FBXO34: variants seen among roughly 807,000 people sequenced by gnomAD.
FBXO34 encodes the protein F-box protein 34.
In FBXO34, 12 loss-of-function variants were observed where a neutral mutation model predicts 24.5. The ratio of observed to expected loss-of-function variants is 0.49; its 90% CI spans 0.31 to 0.79. The LOEUF is 0.79. Ranked by LOEUF, FBXO34 falls within the 30% of genes least tolerant of loss-of-function variation. FBXO34 has a pLI of 0.04. For synonymous variants in FBXO34, 320 were observed against 311.9 expected (o/e 1.03, Z -0.27); for missense variants, 823 against 857.7 (o/e 0.96, Z 0.51).
At chr14:55,358,891 G>C (rs71413574) in intron 3 of FBXO34, among the ~76,000 whole-genome samples, 277 of 152,284 alleles carry the variant, frequency 1.8e-3, no homozygotes, top group Non-Finnish European at 2.9e-3. Flanking sequence ...CTACTGACAC[G>C]TGTAATAGAA....
intron 1 of FBXO34, among the ~76,000 whole-genome samples, chr14:55,286,101 A>T (rs1462648520): frequency 1.3e-5 from 2 of 152,048 alleles, no homozygotes; most frequent in African/African-American, 4.8e-5. Context: ...TTCCTTCCAA[A>T]TTCCTTCCAA....
intron 1 of FBXO34, among the ~76,000 whole-genome samples, chr14:55,302,976 T>C (rs1323281129): frequency 6.6e-6 from 1 of 152,234 alleles, no homozygotes; most frequent in Non-Finnish European, 1.5e-5. Flanking sequence ...CAGCCGATCA[T>C]GGGATTGAAT....
chr14:55,355,936 G>A (rs1010380461), downstream of FBXO34, among the ~76,000 whole-genome samples: 1 of 152,220 alleles, frequency 6.6e-6, no homozygotes. Context: ...TCTGGCCATA[G>A]CTGGTCTCAT....
intron 1 of FBXO34, among the ~76,000 whole-genome samples, chr14:55,297,139 C>T (rs538618474): frequency 5.9e-5 from 9 of 152,274 alleles, no homozygotes; most frequent in African/African-American, 1.9e-4. Flanking sequence ...CATTTTGAAC[C>T]TGATTGGCAC....
At chr14:55,386,143 C>T in the FBXO34 span, 1 of 1,497,768 alleles carries the variant, frequency 6.7e-7, no homozygotes, top group South Asian at 1.2e-5. Flanking sequence ...CAAACAGTTC[C>T]TGTGTACTGC....
At chr14:55,405,701 T>C in the FBXO34 span, among the ~76,000 whole-genome samples, 5 of 152,228 alleles carry the variant, frequency 3.3e-5, no homozygotes, top group African/African-American at 4.8e-5. Context: ...AAATACATAA[T>C]CCATACAGTT....
chr14:55,289,859 TA>T lies in FBXO34; in HGVS notation c.-11+18333del, dbSNP rs750463964. ...CCCAAGCCCAGTCACTGTCTACCTT[TA>T]AAAAAAAAAACAAGTATGGTAGCAT... On this transcript the variant is annotated intron_variant, in intron 1 of 1. Transcript: ENST00000313833. 3.1e-3 allele frequency among the ~76,000 whole-genome samples: 461 copies of T among 150,304 alleles called. 4 individuals are homozygous for T. Among genetic ancestry groups the T allele is most frequent in the Middle Eastern group, 0.014 (4 of 288 alleles).
chr14:55,422,143 T>G, the FBXO34 span, among the ~76,000 whole-genome samples: 1 of 152,006 alleles, frequency 6.6e-6, no homozygotes, highest in African/African-American at 2.4e-5. Flanking sequence ...AAAAGAAAGG[T>G]CAAAAGGAGT....
chr14:55,406,195 A>G, the FBXO34 span, among the ~76,000 whole-genome samples: 35 of 152,244 alleles, frequency 2.3e-4, 1 homozygote, highest in African/African-American at 8.2e-4. Context: ...AACCACTAAA[A>G]CCTAGATATT....
the FBXO34 span, chr14:55,413,978 C>T: frequency 1.4e-5 from 7 of 516,054 alleles, no homozygotes; most frequent in African/African-American, 1.4e-4. Context: ...ATGTATGTGG[C>T]CAAAGGAACA....
rs57849080 is a variant in FBXO34, at chr14:55,275,823, C to CAA, written c.-11+4303_-11+4304dup. On this transcript the variant is annotated intron_variant, in intron 1 of 1. Coordinates refer to ENST00000313833, the MANE Select transcript of FBXO34 (RefSeq NM_017943.4). ...TGGGTGACAGAGCGAGACTCTGTCT[C>CAA]AAAAAAAAAAAAAAAAAACGAGGAT... is the stretch of plus-strand genomic sequence containing the variant. 1.5e-3 allele frequency among the ~76,000 whole-genome samples: 136 copies of CAA among 89,978 alleles called. 7 individuals carry two copies. The highest frequency in any genetic ancestry group is 0.012 in the Middle Eastern group (2 of 164). 59.0% of individuals were successfully genotyped at this position (89,978 alleles called of 152,430 possible).
the FBXO34 span, chr14:55,381,866 C>T: frequency 9.8e-7 from 1 of 1,018,216 alleles, no homozygotes; most frequent in Non-Finnish European, 1.5e-6. Context: ...ACTAAATGCC[C>T]CTGAATGGTT....
At chr14:55,308,750 G>A (rs11628437) in intron 1 of FBXO34, among the ~76,000 whole-genome samples, 60,190 of 151,998 alleles carry the variant, frequency 0.4, 12,191 homozygotes, top group Non-Finnish European at 0.43. Context: ...TTTAAAATGA[G>A]GAGTTTGAAC....
chr14:55,272,448 A>G (rs1485841763), intron 1 of FBXO34: 2 of 152,096 alleles, frequency 1.3e-5, no homozygotes, highest in Non-Finnish European at 2.9e-5. Context: ...TAGGAAGCTA[A>G]ATTCGTAGTT....
intron 1 of FBXO34, among the ~76,000 whole-genome samples, chr14:55,274,149 A>G (rs937560786): frequency 6.6e-6 from 1 of 152,192 alleles, no homozygotes; most frequent in Non-Finnish European, 1.5e-5. Context: ...AGACTAAATA[A>G]GAGTTGAAAG....
the FBXO34 span, chr14:55,395,064 C>A: frequency 2.0e-6 from 1 of 502,004 alleles, no homozygotes; most frequent in Non-Finnish European, 4.0e-6. Context: ...CCTTTGCTCC[C>A]CTTTTCCCTT....
the FBXO34 span, among the ~76,000 whole-genome samples, chr14:55,404,742 T>C: frequency 8.5e-5 from 13 of 152,118 alleles, no homozygotes; most frequent in Admixed American, 7.9e-4. Context: ...TACAGCGCAA[T>C]CTGTATAACA....
Position 55,334,498 on chromosome 14 carries a change from G to A in FBXO34, c.-10-15883G>A, listed in dbSNP as rs939237510. Among the ~76,000 whole-genome samples, 11 of 148,818 alleles carry A rather than the reference G, an allele frequency of 7.4e-5. 1 individual carries two copies. In the South Asian group the frequency reaches 2.4e-3, roughly 33 times the overall value. On this transcript the variant is annotated intron_variant, in intron 1 of 1. Transcript: ENST00000313833. ...GGCACAGTTCTGGGAATTCAACGGA[G>A]GCATGTAGTTAGTAGCCATTGGGTA... is the stretch of plus-strand genomic sequence containing the variant.
intron 1 of FBXO34, among the ~76,000 whole-genome samples, chr14:55,323,017 C>CAAAAAAAA (rs1444620301): frequency 1.1e-3 from 46 of 40,850 alleles, no homozygotes; most frequent in South Asian, 2.6e-3. Context: ...ACTAAAAATA[C>CAAAAAAAA]AAAAAAAAAA....
Sources: gnomAD v4.1 joint callset for allele counts (sites outside exome capture counted in the v4.1 genomes callset) on GRCh38, gnomAD v4.1.1 for gene constraint, MANE v1.5 for transcripts, NCBI Gene and HGNC (gene_info 2026-07-23, HGNC 2026-07-21) for gene names.